TGFBR2: variants seen among roughly 807,000 people sequenced by gnomAD.
TGFBR2 encodes TGF-beta receptor type-2.
TGFBR2 carries 18 observed loss-of-function variants against 49.0 expected under a neutral mutation model. The ratio of observed to expected loss-of-function variants is 0.37; its 90% CI spans 0.25 to 0.54. The LOEUF (loss-of-function observed/expected upper bound fraction) is 0.54. Ranked by LOEUF, TGFBR2 falls within the 20% of genes least tolerant of loss-of-function variation. TGFBR2 has a pLI of 0.85. For synonymous variants in TGFBR2, 282 were observed against 275.9 expected (o/e 1.02, Z -0.22); for missense variants, 525 against 722.6 (o/e 0.73, Z 3.13).
rs899619454 is a variant in TGFBR2 at position 30,636,427 on chromosome 3, G to T, written c.95-8320G>T. On this transcript the variant is annotated intron_variant, in intron 1 of 6. Coordinates refer to ENST00000295754, the MANE Select transcript of TGFBR2 (RefSeq NM_003242.6). ...CATGGTGGTCTCCCTATTAGGTATT[G>T]TTTCTCCACTTCTGATCCTGGTGCC... 3.9e-5 allele frequency among the ~76,000 whole-genome samples: 6 copies of T among 152,142 alleles called. No individual in the cohort carries two copies. In the South Asian group the frequency reaches 1.0e-3, roughly 26 times the overall value.
chr3:30,656,058 G>T (rs1266083431), intron 3 of TGFBR2, among the ~76,000 whole-genome samples: 1 of 152,170 alleles, frequency 6.6e-6, no homozygotes, highest in Non-Finnish European at 1.5e-5. Flanking sequence ...AACTCACCAG[G>T]TAGGGATGGA....
Position 30,640,122 on chromosome 3 carries a change from A to AGGT in TGFBR2, c.95-4621_95-4619dup, listed in dbSNP as rs1340867491. 2.6e-5 allele frequency among the ~76,000 whole-genome samples: 4 copies of AGGT among 152,248 alleles called. No homozygotes were observed. In the East Asian group the frequency reaches 5.8e-4, roughly 22 times the overall value. On this transcript the variant is annotated intron_variant, in intron 1 of 6. Transcript: ENST00000295754. ...GGGAAAATGTGAGATAAAATGGGGA[A>AGGT]GGTGGTATGACCTAGAGTGAAGGTT...
chr3:30,679,180 G>A (rs1213568407), intron 5 of TGFBR2, among the ~76,000 whole-genome samples: 1 of 152,176 alleles, frequency 6.6e-6, no homozygotes, highest in Non-Finnish European at 1.5e-5. Context: ...TGGTTCAGTT[G>A]TGATAAATGC....
chr3:30,637,885 G>A (rs144030641), intron 1 of TGFBR2, among the ~76,000 whole-genome samples: 62 of 152,186 alleles, frequency 4.1e-4, no homozygotes, highest in East Asian at 1.9e-3. Flanking sequence ...GGCTATTTGC[G>A]TTTGCAGTGT....
chr3:30,689,583 GCAGA>G (rs1699680457), intron 6 of TGFBR2, among the ~76,000 whole-genome samples: 2 of 152,338 alleles, frequency 1.3e-5, no homozygotes, highest in Non-Finnish European at 2.9e-5. Flanking sequence ...AGCCACTTCA[GCAGA>G]CAGACCTTAA....
chr3:30,656,778 AC>A (rs1267545464), intron 3 of TGFBR2, among the ~76,000 whole-genome samples: 1 of 152,184 alleles, frequency 6.6e-6, no homozygotes, highest in African/African-American at 2.4e-5. Flanking sequence ...ATAGCATTGG[AC>A]CCAAGTCCTA....
At chr3:30,656,965 T>G (rs937732479) in intron 3 of TGFBR2, among the ~76,000 whole-genome samples, 2 of 152,210 alleles carry the variant, frequency 1.3e-5, no homozygotes, top group Non-Finnish European at 2.9e-5. Flanking sequence ...CTAACTACTT[T>G]CAGGTGTGTT....
chr3:30,673,766 A>G (rs539222270), intron 4 of TGFBR2, among the ~76,000 whole-genome samples: 16 of 152,338 alleles, frequency 1.1e-4, no homozygotes, highest in African/African-American at 3.8e-4. Flanking sequence ...AAACATTTAA[A>G]ATATCACAAA....
chr3:30,608,567 T>G (rs1321472286), intron 1 of TGFBR2, among the ~76,000 whole-genome samples: 4 of 152,170 alleles, frequency 2.6e-5, no homozygotes, highest in Admixed American at 1.3e-4. Flanking sequence ...CCTTTAGGTT[T>G]GTCTAGAAAA....
intron 1 of TGFBR2, among the ~76,000 whole-genome samples, chr3:30,607,471 C>T (rs1697944612): frequency 6.6e-6 from 1 of 152,220 alleles, no homozygotes; most frequent in Admixed American, 6.5e-5. Context: ...CACGCTTTCC[C>T]TCAGGCCGGC....
chr3:30,688,392 G>C lies in TGFBR2; in HGVS notation c.1405G>C (p.Asp469His), dbSNP rs1407331537. The change falls in exon 6 of 7, where the codon GAT (aspartate) becomes CAT (histidine). Residue 469 changes from aspartate to histidine, a missense_variant. Around this residue, in one of 3 missense-constraint regions of TGFBR2, gnomAD observed 104 missense variants for 133.4 expected, o/e 0.78. Transcript: ENST00000295754. ...GCTGGCTTTCTTCACAGAAGTAAAA[G>C]ATTATGAGCCTCCATTTGGTTCCAA... ...SRCNAVGEVK[D>H]YEPPFGSKVR... The C allele has an allele frequency of 6.2e-7, 1 of 1,614,190 alleles. No individual in the cohort carries two copies. The highest frequency in any genetic ancestry group is 2.2e-5 in the East Asian group (1 of 44,880).
intron 5 of TGFBR2, among the ~76,000 whole-genome samples, chr3:30,681,954 A>C (rs1482473265): frequency 1.3e-5 from 2 of 152,246 alleles, no homozygotes; most frequent in African/African-American, 4.8e-5. Context: ...GGTTACCACC[A>C]TGGGCAACTG....
In TGFBR2 at chr3:30,693,838, G is replaced by GT. The variant is rs34914516; in HGVS notation, c.*2248dup. The GT allele has an allele frequency of 0.26, 59,854 of 226,408 alleles. 7,786 individuals are homozygous for GT. The highest frequency in any genetic ancestry group is 0.31 in the Non-Finnish European group (35,267 of 114,244). 14.0% of individuals were successfully genotyped at this position (226,408 alleles called of 1,614,324 possible). A position where few individuals can be genotyped will look rare whatever the true frequency, so the allele number is the denominator to read the frequency against. On this transcript the variant is annotated 3_prime_UTR_variant, in exon 7 of 7. Transcript: ENST00000295754. ...GGATACTGTGGCTTGTTTTGTTTAT[G>GT]TTTTTTTTTCTTATTCAAGAAAAAA...
chr3:30,620,415 G>A (rs1214383965), intron 1 of TGFBR2, among the ~76,000 whole-genome samples: 1 of 151,932 alleles, frequency 6.6e-6, no homozygotes, highest in African/African-American at 2.4e-5. Context: ...TCACCACCAA[G>A]TGTAAATGTC....
chr3:30,620,983 G>T (rs1240280209), intron 1 of TGFBR2, among the ~76,000 whole-genome samples: 1 of 152,152 alleles, frequency 6.6e-6, no homozygotes, highest in Non-Finnish European at 1.5e-5. Context: ...TGCTTAATAG[G>T]AGTGGGTTTC....
intron 4 of TGFBR2, among the ~76,000 whole-genome samples, chr3:30,673,093 C>A (rs1559467525): frequency 6.6e-6 from 1 of 152,198 alleles, no homozygotes; most frequent in East Asian, 1.9e-4. Context: ...CCATGGAGAG[C>A]AGCACTGTCT....
rs1698702818 is a variant in TGFBR2 at position 30,644,893 on chromosome 3, C to T, written c.241C>T (p.Gln81Ter). 1 of 1,614,054 alleles carries T rather than the reference C, an allele frequency of 6.2e-7. No individual in the cohort carries two copies. The highest frequency in any genetic ancestry group is 1.7e-5 in the Admixed American group (1 of 60,000). Residue 81 changes from glutamine (Q) to a stop codon, truncating the protein, a stop_gained, in exon 2 of 7, where the codon CAG (glutamine) becomes TAG (stop). Transcript: ENST00000295754. LOFTEE classifies it high-confidence loss of function. Reference protein sequence around the residue: ...CSITSICEKPQEVCVAVWRKN... With the variant: ...CSITSICEKP ...CATCACCTCCATCTGTGAGAAGCCACAGGAAGTCTGTGTGGCTGTATGGTA... is the reference window on the plus strand; with the variant it reads ...CATCACCTCCATCTGTGAGAAGCCATAGGAAGTCTGTGTGGCTGTATGGTA...
chr3:30,669,016 G>T (rs995994533), intron 3 of TGFBR2, among the ~76,000 whole-genome samples: 1 of 150,384 alleles, frequency 6.6e-6, no homozygotes, highest in Non-Finnish European at 1.5e-5. Context: ...AGTGGCTCAC[G>T]CCTGTAATCC....
In TGFBR2 at chr3:30,678,719, T is replaced by C. The variant is rs1268132018; in HGVS notation, c.1396+4473T>C. 3.3e-5 allele frequency among the ~76,000 whole-genome samples: 5 copies of C among 152,096 alleles called. No individual in the cohort carries two copies. In the East Asian group the frequency reaches 9.6e-4, roughly 29 times the overall value. On this transcript the variant is annotated intron_variant, in intron 5 of 6. Transcript: ENST00000295754. ...GATTTCTCGGGATGACTGCCATTGG[T>C]AATATGGATATAGCACCCCATCCTG...
Sources: allele counts gnomAD v4.1 joint callset (sites outside exome capture counted in the v4.1 genomes callset), GRCh38; gene constraint gnomAD v4.1.1; regional missense constraint gnomAD v4.1.1; transcripts MANE v1.5; gene names NCBI Gene and HGNC (gene_info 2026-07-23, HGNC 2026-07-21).